The following TSBP1 variants were observed in gnomAD, a reference collection of about 807,000 sequenced individuals.
TSBP1 encodes the protein testis-expressed basic protein 1.
A neutral mutation model predicts 68.8 loss-of-function variants in TSBP1; 56 were observed. The ratio of observed to expected loss-of-function variants is 0.81; its 90% CI spans 0.66 to 1.02. The LOEUF (loss-of-function observed/expected upper bound fraction) is 1.02, where lower values mean the gene tolerates loss of function less well. Among genes scored for constraint, TSBP1 ranks in the 50% least tolerant of loss-of-function variants. The pLI is 0.00. For missense variants in TSBP1, 502 were observed against 641.2 expected (o/e 0.78, Z 2.34); for synonymous variants, 171 against 208.7 (o/e 0.82, Z 1.56).
intron 22 of TSBP1, among the ~76,000 whole-genome samples, chr6:32,295,349 C>CAAAAAAAAAA (rs3038432): frequency 2.2e-5 from 2 of 90,862 alleles, no homozygotes; most frequent in Admixed American, 1.4e-4. Context: ...CACACACACA[C>CAAAAAAAAAA]AAAAAAAAAA....
intron 16 of TSBP1, among the ~76,000 whole-genome samples, chr6:32,327,955 C>CTTA (rs199519578): frequency 4.4e-4 from 63 of 143,860 alleles, no homozygotes; most frequent in Non-Finnish European, 7.9e-4. Context: ...CCATGCCCGA[C>CTTA]TTATTATTAT....
chr6:32,336,367 G>A lies in TSBP1; in HGVS notation c.430+248C>T, dbSNP rs1447347086. Among the ~76,000 whole-genome samples the A allele has an allele frequency of 1.3e-5, 2 of 152,052 alleles. No homozygotes were observed. Among genetic ancestry groups the A allele is most frequent in the Admixed American group, 1.3e-4 (2 of 15,260 alleles). The stretch of plus-strand genomic sequence containing the variant: ...AGCCTGTGAGATTTCTTAACACTTC[G>A]TGCATGGCCTCTTTGGAAACTATGT... On this transcript the variant is annotated intron_variant, in intron 12 of 22. Transcript: ENST00000612031. This position sits in a 1 kb window ranked among gnomAD's most constrained non-coding sequence, Gnocchi z 5.2.
intron 9 of TSBP1, among the ~76,000 whole-genome samples, chr6:32,342,973 G>C (rs1770547417): frequency 1.3e-5 from 2 of 152,192 alleles, no homozygotes; most frequent in Admixed American, 1.3e-4. Flanking sequence ...AAATAAGGGG[G>C]TGAGAGGATG....
At chr6:32,364,436 C>CT (rs1773427686) in intron 6 of TSBP1, among the ~76,000 whole-genome samples, 1 of 126,322 alleles carries the variant, frequency 7.9e-6, no homozygotes, top group Admixed American at 8.6e-5. Flanking sequence ...TTTTTGTACT[C>CT]TGACTAGATA....
chr6:32,344,172 T>C lies in TSBP1; in HGVS notation c.350-4534A>G, dbSNP rs184969618. On this transcript the variant is annotated intron_variant, in intron 9 of 22. Coordinates refer to ENST00000612031, the Ensembl canonical transcript of TSBP1. ...GCACAATGTGCAGGTTAGTTACATA[T>C]GTATACATGTGCCATGCTGGTGTGC... Among the ~76,000 whole-genome samples the C allele has an allele frequency of 6.9e-3, 1,042 of 151,562 alleles. 20 individuals carry two copies. The highest frequency in any genetic ancestry group is 0.02 in the East Asian group (102 of 5,174).
At chr6:32,293,542 T>C in exon 23 of TSBP1, 1 of 1,612,004 alleles carries the variant, frequency 6.2e-7, no homozygotes, top group Non-Finnish European at 8.5e-7. Context: ...ATTCCTGTCT[T>C]CTTGGCACAC....
At chr6:32,362,574 A>G (rs28366184) in intron 6 of TSBP1, among the ~76,000 whole-genome samples, 9,625 of 152,338 alleles carry the variant, frequency 0.063, 399 homozygotes, top group Admixed American at 0.086. Context: ...TATGGTTTGC[A>G]AATATTTTCT....
chr6:32,315,673 GA>G lies in TSBP1; in HGVS notation c.580+98del. ...GACTTTGGGTAATGTAGAAGCAAAT[GA>G]ATATGAGAAATATGAGTCTCAATCT... On this transcript the variant is annotated intron_variant, in intron 19 of 22. Coordinates refer to ENST00000612031, the Ensembl canonical transcript of TSBP1. This position sits in a 1 kb window ranked among gnomAD's most constrained non-coding sequence, Gnocchi z 5.4. The G allele has an allele frequency of 1.3e-6, 1 of 764,616 alleles. No homozygotes were observed. Among genetic ancestry groups the G allele is most frequent in the African/African-American group, 1.7e-5 (1 of 57,180 alleles). 47.4% of individuals were successfully genotyped at this position (764,616 alleles called of 1,614,324 possible).
intron 16 of TSBP1, chr6:32,323,833 T>C (rs1767916833): frequency 6.9e-6 from 4 of 580,104 alleles, no homozygotes; most frequent in Non-Finnish European, 9.3e-6. Flanking sequence ...GTTAAAGTAG[T>C]ATGCACCCCA....
intron 8 of TSBP1, chr6:32,352,924 A>G (rs1045973244): frequency 6.6e-6 from 1 of 151,906 alleles, no homozygotes; most frequent in African/African-American, 2.4e-5. Flanking sequence ...GATACAGAGA[A>G]GATTAGCGTG....
At position 32,355,246 on chromosome 6, in the gene TSBP1, A is replaced by G. The variant is rs1221794721; in HGVS notation, c.239-102T>C. On this transcript the variant is annotated intron_variant, in intron 7 of 22. Transcript: ENST00000612031. ...GCTGTCACCCCCTTCTCAGGAGTTA[A>G]AGTCTAGGCCCCGGGAGTCATCACT... 1.1e-5 allele frequency: 13 copies of G among 1,206,362 alleles called. No individual in the cohort carries two copies. In the Admixed American group the frequency reaches 2.1e-4, roughly 19 times the overall value. The allele number at this position is 1,206,362 out of a possible 1,614,324, so 74.7% of individuals were successfully genotyped here.
chr6:32,322,743 C>T (rs1385708041), intron 18 of TSBP1, among the ~76,000 whole-genome samples: 1 of 152,088 alleles, frequency 6.6e-6, no homozygotes, highest in Non-Finnish European at 1.5e-5. Flanking sequence ...TCCTTAAAGG[C>T]CCTCTCCACT....
Position 32,336,614 on chromosome 6 carries a change from C to G in TSBP1, c.430+1G>C, listed in dbSNP as rs775160108. The G allele has an allele frequency of 6.2e-7, 1 of 1,611,922 alleles. No individual in the cohort carries two copies. The highest frequency in any genetic ancestry group is 1.1e-5 in the South Asian group (1 of 91,004). On this transcript the variant is annotated splice_donor_variant, in intron 12 of 22. Coordinates refer to ENST00000612031, the Ensembl canonical transcript of TSBP1. LOFTEE classifies it high-confidence loss of function. This position sits in a 1 kb window ranked among gnomAD's most constrained non-coding sequence, Gnocchi z 5.2. The stretch of plus-strand genomic sequence containing the variant: ...AGTGGAAAAACAAACTTGATACTTA[C>G]GAATAGGGGCTGTGAATTGCACTGA...
intron 19 of TSBP1, among the ~76,000 whole-genome samples, chr6:32,313,939 AG>A (rs1275432115): frequency 2.0e-5 from 3 of 151,996 alleles, no homozygotes; most frequent in Admixed American, 6.6e-5. Context: ...CTTTACTCCA[AG>A]TGGTGGAATT....
In TSBP1 at chr6:32,292,792, T is replaced by A. The variant is rs968138301; in HGVS notation, c.*189A>T. 3 of 540,414 alleles carry A rather than the reference T, an allele frequency of 5.6e-6. No homozygotes were observed. The highest frequency in any genetic ancestry group is 3.9e-5 in the African/African-American group (2 of 51,332). 33.5% of individuals were successfully genotyped at this position (540,414 alleles called of 1,614,324 possible). The stretch of plus-strand genomic sequence containing the variant: ...TACGTCTTAACTTATAAAACAAATA[T>A]TTGGAAACTGAGGTTTGTGGCTGAG... On this transcript the variant is annotated 3_prime_UTR_variant, in exon 23 of 23. Transcript: ENST00000612031. This position sits in a 1 kb window ranked among gnomAD's most constrained non-coding sequence, Gnocchi z 4.1.
intron 8 of TSBP1, among the ~76,000 whole-genome samples, chr6:32,351,954 A>T (rs1771762144): frequency 6.6e-6 from 1 of 152,088 alleles, no homozygotes; most frequent in East Asian, 1.9e-4. Flanking sequence ...ATAATAAACA[A>T]CAAGCAAATG....
In TSBP1 at chr6:32,370,132, A is replaced by G. The variant is rs1774219683; in HGVS notation, c.14-149T>C. 7.9e-6 allele frequency: 5 copies of G among 636,376 alleles called. No individual in the cohort carries two copies. In the Admixed American group the frequency reaches 1.0e-4, roughly 13 times the overall value. The allele number at this position is 636,376 out of a possible 1,614,324, so 39.4% of individuals were successfully genotyped here. On this transcript the variant is annotated intron_variant, in intron 1 of 22. Coordinates refer to ENST00000612031, the Ensembl canonical transcript of TSBP1. ...ACTCCTTTATTCTTTTATTTGCCGC[A>G]TATTACTGTCCTCACATTCCCGCCC...
chr6:32,327,860 C>T (rs548391918), intron 16 of TSBP1, among the ~76,000 whole-genome samples: 4 of 151,340 alleles, frequency 2.6e-5, no homozygotes, highest in Non-Finnish European at 4.4e-5. Context: ...GGCGTGATCT[C>T]GGCTTACTGC....
chr6:32,295,886 C>T (rs9268152), intron 22 of TSBP1, among the ~76,000 whole-genome samples: 9,352 of 149,776 alleles, frequency 0.062, 455 homozygotes, highest in Non-Finnish European at 0.11. Flanking sequence ...CTCTTGTTGC[C>T]CAGGCTGGAG....
Sources: gnomAD v4.1 joint callset for allele counts (sites outside exome capture counted in the v4.1 genomes callset) on GRCh38, gnomAD v4.1.1 for gene constraint, Gnocchi (gnomAD v3.1) non-coding constraint, MANE v1.5 for transcripts, NCBI Gene and HGNC (gene_info 2026-07-23, HGNC 2026-07-21) for gene names.